Variants in RBMS1 observed in about 807,000 individuals in gnomAD.
The protein encoded by RBMS1 is RNA binding motif single stranded interacting protein 1.
In RBMS1, 17 loss-of-function variants were observed where a neutral mutation model predicts 62.3. The observed-to-expected ratio is 0.27, with a 90% CI of 0.19 to 0.41. The LOEUF (loss-of-function observed/expected upper bound fraction) is 0.41. RBMS1 is among the 10% of genes least tolerant of loss of function. RBMS1 has a pLI of 1.00. For missense variants in RBMS1, 334 were observed against 504.5 expected (o/e 0.66, Z 3.24); for synonymous variants, 172 against 170.0 (o/e 1.01, Z -0.09).
At chr2:160,405,571 T>C (rs1364124028) in intron 1 of RBMS1, among the ~76,000 whole-genome samples, 1 of 152,220 alleles carries the variant, frequency 6.6e-6, no homozygotes, top group Non-Finnish European at 1.5e-5. Flanking sequence ...CAAATACCAC[T>C]GGTACCCGGG....
At chr2:160,332,105 AT>A (rs1246855783) in intron 2 of RBMS1, among the ~76,000 whole-genome samples, 6 of 152,062 alleles carry the variant, frequency 3.9e-5, no homozygotes, top group Non-Finnish European at 8.8e-5. Context: ...AACCCTAATT[AT>A]TTTTGTTTAG....
chr2:160,486,760 C>T (rs556113368), intron 1 of RBMS1, among the ~76,000 whole-genome samples: 1 of 152,294 alleles, frequency 6.6e-6, no homozygotes, highest in East Asian at 1.9e-4. Flanking sequence ...TGAAGAAATG[C>T]CAGCCCACAT....
At chr2:160,299,814 A>C (rs1446975672) in intron 6 of RBMS1, among the ~76,000 whole-genome samples, 2 of 152,126 alleles carry the variant, frequency 1.3e-5, no homozygotes, top group African/African-American at 4.8e-5. Flanking sequence ...CAGGCTGGGG[A>C]AATTGAGAAC....
chr2:160,491,913 A>T (rs564621971), intron 1 of RBMS1, among the ~76,000 whole-genome samples: 1 of 152,278 alleles, frequency 6.6e-6, no homozygotes, highest in South Asian at 2.1e-4. Flanking sequence ...TGGTGACCCA[A>T]AGTAAAGTGG....
At chr2:160,387,476 C>T (rs1217686828) in intron 1 of RBMS1, among the ~76,000 whole-genome samples, 3 of 151,956 alleles carry the variant, frequency 2.0e-5, no homozygotes, top group Non-Finnish European at 4.4e-5. Flanking sequence ...AGAGGAGCCA[C>T]GTCGTGGTCT....
chr2:160,314,218 CG>C (rs1690088436), intron 3 of RBMS1, among the ~76,000 whole-genome samples: 1 of 152,070 alleles, frequency 6.6e-6, no homozygotes, highest in Non-Finnish European at 1.5e-5. Context: ...TGAGTATCAC[CG>C]TATCAAAATA....
chr2:160,316,581 T>C (rs1690234618), intron 3 of RBMS1, among the ~76,000 whole-genome samples: 1 of 152,226 alleles, frequency 6.6e-6, no homozygotes, highest in Non-Finnish European at 1.5e-5. Flanking sequence ...CTAGATCACG[T>C]AGAGCACTTT....
chr2:160,288,706 T>G lies in RBMS1; in HGVS notation c.641-1622A>C, dbSNP rs574001431. Among the ~76,000 whole-genome samples the G allele has an allele frequency of 2.2e-4, 33 of 152,290 alleles. No individual in the cohort carries two copies. The South Asian group carries it at 4.6e-3, about 21-fold the overall frequency. On this transcript the variant is annotated intron_variant, in intron 6 of 13. Transcript: ENST00000348849. ...TGTAAGATGTTGACTCCACATAATC[T>G]CGTAGAGCAAGAGAGAAGATAATAA...
At chr2:160,428,061 C>T (rs914550266) in intron 1 of RBMS1, among the ~76,000 whole-genome samples, 4 of 151,964 alleles carry the variant, frequency 2.6e-5, no homozygotes, top group Non-Finnish European at 4.4e-5. Context: ...AGGATGGCTA[C>T]GAGATGGCTA....
chr2:160,448,907 C>G (rs987857595), intron 1 of RBMS1, among the ~76,000 whole-genome samples: 14 of 151,898 alleles, frequency 9.2e-5, no homozygotes, highest in African/African-American at 3.4e-4. Flanking sequence ...TGCCCCGCCA[C>G]CCCATCTGGG....
chr2:160,327,222 T>C (rs896763610), intron 2 of RBMS1, among the ~76,000 whole-genome samples: 2 of 152,242 alleles, frequency 1.3e-5, no homozygotes, highest in African/African-American at 4.8e-5. Flanking sequence ...CAAATGAAAC[T>C]GGTCATCTCT....
intron 1 of RBMS1, among the ~76,000 whole-genome samples, chr2:160,430,859 G>A (rs1682862231): frequency 6.6e-6 from 1 of 151,902 alleles, no homozygotes; most frequent in Non-Finnish European, 1.5e-5. Context: ...TTGTAGACAA[G>A]TTTTACAACT....
chr2:160,391,851 G>A lies in RBMS1; in HGVS notation c.76-24460C>T, dbSNP rs1429782776. Among the ~76,000 whole-genome samples, 5 of 152,114 alleles carry A rather than the reference G, an allele frequency of 3.3e-5. No homozygotes were observed. The East Asian group carries it at 9.7e-4, about 29-fold the overall frequency. On this transcript the variant is annotated intron_variant, in intron 1 of 13. Transcript: ENST00000348849. ...AAATTAGCCGGGCGTGGTGGCACAT[G>A]CTTGTAGTCTCAGCTACTCGGGAGG...
chr2:160,423,004 TCA>T (rs1265087968), intron 1 of RBMS1, among the ~76,000 whole-genome samples: 22 of 152,204 alleles, frequency 1.4e-4, no homozygotes, highest in Admixed American at 1.0e-3. Flanking sequence ...TGAAATTCTC[TCA>T]GTTATCTCTC....
chr2:160,317,448 G>A (rs1226474560), intron 3 of RBMS1, among the ~76,000 whole-genome samples: 2 of 152,120 alleles, frequency 1.3e-5, no homozygotes, highest in East Asian at 3.9e-4. Context: ...CATGCCTATT[G>A]TTAAGATGCT....
chr2:160,435,870 C>T (rs1259178185), intron 1 of RBMS1, among the ~76,000 whole-genome samples: 1 of 152,128 alleles, frequency 6.6e-6, no homozygotes, highest in Admixed American at 6.5e-5. Context: ...CTAAATGTTT[C>T]ATCAATAGCC....
intron 1 of RBMS1, among the ~76,000 whole-genome samples, chr2:160,465,224 G>A (rs1409238196): frequency 6.6e-6 from 1 of 152,222 alleles, no homozygotes; most frequent in Non-Finnish European, 1.5e-5. Flanking sequence ...TAGTCATTAT[G>A]ATTGTACTTC....
intron 1 of RBMS1, among the ~76,000 whole-genome samples, chr2:160,448,955 G>A (rs993872635): frequency 6.6e-6 from 1 of 151,926 alleles, no homozygotes; most frequent in African/African-American, 2.4e-5. Flanking sequence ...CATCCCGTCT[G>A]GGAACTGAGG....
At chr2:160,398,719 T>C (rs1006737730) in intron 1 of RBMS1, among the ~76,000 whole-genome samples, 8 of 152,142 alleles carry the variant, frequency 5.3e-5, no homozygotes, top group East Asian at 3.8e-4. Context: ...ATCCTTGTAA[T>C]AGAAAGGCTG....
Sources: allele counts gnomAD v4.1 joint callset (sites outside exome capture counted in the v4.1 genomes callset), GRCh38; gene constraint gnomAD v4.1.1; transcripts MANE v1.5; gene names NCBI Gene and HGNC (gene_info 2026-07-23, HGNC 2026-07-21).